Variants in GABBR1 observed in about 807,000 individuals in gnomAD.
GABBR1 encodes gamma-aminobutyric acid type B receptor subunit 1.
In GABBR1, 35 loss-of-function variants were observed where a neutral mutation model predicts 117.7. The ratio of observed to expected loss-of-function variants is 0.30; its 90% CI spans 0.23 to 0.39. The LOEUF (loss-of-function observed/expected upper bound fraction) is 0.39, where lower values mean the gene tolerates loss of function less well. Among genes scored for constraint, GABBR1 ranks in the 10% least tolerant of loss-of-function variants. The probability of loss-of-function intolerance (pLI) is 1.00; values close to 1 mark genes in which losing one functional copy is unlikely to be tolerated. For missense variants in GABBR1, 709 were observed against 1,241.8 expected (o/e 0.57, Z 6.45); for synonymous variants, 442 against 486.6 (o/e 0.91, Z 1.21).
At chr6:29,616,914 G>GT (rs775877211) in intron 11 of GABBR1, among the ~76,000 whole-genome samples, 2 of 147,326 alleles carry the variant, frequency 1.4e-5, no homozygotes, top group Non-Finnish European at 3.0e-5. Context: ...TTGGGAGGCC[G>GT]AGGCGGGCGG....
In GABBR1 at chr6:29,607,073, T is replaced by A. The variant is rs372429670; in HGVS notation, c.2109+29A>T. 6.7e-5 allele frequency: 107 copies of A among 1,607,852 alleles called. No homozygotes were observed. The highest frequency in any genetic ancestry group is 8.7e-5 in the Non-Finnish European group (102 of 1,174,434). ...CTCTGTGCCCCAGGAGCCAAGGATC[T>A]GGGGGCTGAGGATTGGGCAGCAGCT... On this transcript the variant is annotated intron_variant, in intron 17 of 22. Transcript: ENST00000377034. This position sits in a 1 kb window ranked among gnomAD's most constrained non-coding sequence, Gnocchi z 5.0.
chr6:29,613,717 C>A lies in GABBR1; in HGVS notation c.1324-232G>T, dbSNP rs1345055377. 2.0e-5 allele frequency among the ~76,000 whole-genome samples: 3 copies of A among 152,172 alleles called. No individual in the cohort carries two copies. The highest frequency in any genetic ancestry group is 2.0e-4 in the Admixed American group (3 of 15,284). ...CTGTGTCTGATGGTGTTAGTGTGTA[C>A]AGTTGCTAGCTCAGAACTGCAAACA... On this transcript the variant is annotated intron_variant, in intron 11 of 22. Coordinates refer to ENST00000377034, the MANE Select transcript of GABBR1 (RefSeq NM_001470.4). This position sits in a 1 kb window ranked among gnomAD's most constrained non-coding sequence, Gnocchi z 4.1.
Position 29,632,877 on chromosome 6 carries a change from T to C in GABBR1, c.-28A>G. The C allele has an allele frequency of 3.8e-6, 1 of 263,278 alleles. No individual in the cohort carries two copies. The highest frequency in any genetic ancestry group is 7.1e-6 in the Non-Finnish European group (1 of 140,302). 16.3% of individuals were successfully genotyped at this position (263,278 alleles called of 1,614,324 possible). ...CGGCGCGCGGGCCCGGCTCCCCGGC[T>C]CTCCCCGGGCCTCAAGGCCCCAGGC... On this transcript the variant is annotated 5_prime_UTR_variant, in exon 1 of 23. Coordinates refer to ENST00000377034, the MANE Select transcript of GABBR1 (RefSeq NM_001470.4). The surrounding 1 kb of genome is among the most constrained non-coding windows in gnomAD (Gnocchi z 5.8).
At position 29,623,873 on chromosome 6, in the gene GABBR1, C is replaced by T. The variant is rs1462916562; in HGVS notation, c.792+17G>A. The T allele has an allele frequency of 1.9e-6, 3 of 1,609,438 alleles. No individual in the cohort carries two copies. The highest frequency in any genetic ancestry group is 1.3e-5 in the African/African-American group (1 of 74,916). On this transcript the variant is annotated intron_variant, in intron 7 of 22. Coordinates refer to ENST00000377034, the MANE Select transcript of GABBR1 (RefSeq NM_001470.4). This position sits in a 1 kb window ranked among gnomAD's most constrained non-coding sequence, Gnocchi z 6.2. The stretch of plus-strand genomic sequence containing the variant: ...AAGGGAATGACCCCATCTTCTGACC[C>T]CCATAGCCCTGCTTACCACAATGAG...
At position 29,632,556 on chromosome 6, in the gene GABBR1, G is replaced by A. The variant is rs1428539885; in HGVS notation, c.1-171C>T. On this transcript the variant is annotated intron_variant, in intron 1 of 22. Transcript: ENST00000377034. The surrounding 1 kb of genome is among the most constrained non-coding windows in gnomAD (Gnocchi z 5.8). ...GGGCGGAGCCCCGCGCGGGGTGGGG[G>A]GAGAGGAGGAGAGAAAGCCTGTCCC... 1.8e-5 allele frequency: 16 copies of A among 878,436 alleles called. No homozygotes were observed. Among genetic ancestry groups the A allele is most frequent in the Non-Finnish European group, 2.4e-5 (15 of 620,668 alleles). 54.4% of individuals were successfully genotyped at this position (878,436 alleles called of 1,614,324 possible).
Position 29,605,360 on chromosome 6 carries a change from C to CT in GABBR1, c.2439+208dup, listed in dbSNP as rs1314927177. The CT allele has an allele frequency of 3.2e-6, 2 of 626,204 alleles. No individual in the cohort carries two copies. Among genetic ancestry groups the CT allele is most frequent in the African/African-American group, 3.7e-5 (2 of 54,770 alleles). 38.8% of individuals were successfully genotyped at this position (626,204 alleles called of 1,614,324 possible). A position where few individuals can be genotyped will look rare whatever the true frequency, so the allele number is the denominator to read the frequency against. On this transcript the variant is annotated intron_variant, in intron 20 of 22. Coordinates refer to ENST00000377034, the MANE Select transcript of GABBR1 (RefSeq NM_001470.4). This position sits in a 1 kb window ranked among gnomAD's most constrained non-coding sequence, Gnocchi z 4.2. Reference sequence around the variant, plus strand: ...ACCTATAAAGTGGGGATACTAATATCTACTTCACTGGGTAGTTGCAAGATT... The same window carrying CT: ...ACCTATAAAGTGGGGATACTAATATCTTACTTCACTGGGTAGTTGCAAGATT...
At chr6:29,616,390 A>T (rs960027147) in intron 11 of GABBR1, among the ~76,000 whole-genome samples, 1 of 150,390 alleles carries the variant, frequency 6.6e-6, no homozygotes, top group Non-Finnish European at 1.5e-5. Context: ...AAAAAAAAAA[A>T]ATTAGCCGGA....
At position 29,613,040 on chromosome 6, in the gene GABBR1, T is replaced by A. The variant is rs1351774010; in HGVS notation, c.1566+203A>T. Among the ~76,000 whole-genome samples, 1 of 152,202 alleles carries A rather than the reference T, an allele frequency of 6.6e-6. No homozygotes were observed. Among genetic ancestry groups the A allele is most frequent in the Non-Finnish European group, 1.5e-5 (1 of 68,026 alleles). ...TTGAAAAGAAATGAGGGGAGGGGTT[T>A]AAAAAAATGGAATACATCATTTTTT... On this transcript the variant is annotated intron_variant, in intron 12 of 22. Coordinates refer to ENST00000377034, the MANE Select transcript of GABBR1 (RefSeq NM_001470.4). This position sits in a 1 kb window ranked among gnomAD's most constrained non-coding sequence, Gnocchi z 4.1.
At chr6:29,624,552 A>T (rs528944448) in intron 6 of GABBR1, among the ~76,000 whole-genome samples, 8 of 152,252 alleles carry the variant, frequency 5.3e-5, no homozygotes, top group African/African-American at 1.9e-4. Context: ...AAGAGAGAAC[A>T]GGAACAAGAC....
At position 29,632,005 on chromosome 6, in the gene GABBR1, C is replaced by A. The variant is rs1469230234; in HGVS notation, c.85+296G>T. Among the ~76,000 whole-genome samples the A allele has an allele frequency of 6.6e-6, 1 of 151,440 alleles. No homozygotes were observed. Among genetic ancestry groups the A allele is most frequent in the Non-Finnish European group, 1.5e-5 (1 of 67,942 alleles). On this transcript the variant is annotated intron_variant, in intron 2 of 22. Transcript: ENST00000377034. This position sits in a 1 kb window ranked among gnomAD's most constrained non-coding sequence, Gnocchi z 5.8. ...GATCATCTGGACAGCAAAGTGGGACCAAGAAAAGGGAGTAATTGAGGTAGT... is the reference window on the plus strand; with the variant it reads ...GATCATCTGGACAGCAAAGTGGGACAAAGAAAAGGGAGTAATTGAGGTAGT...
intron 14 of GABBR1, among the ~76,000 whole-genome samples, chr6:29,610,368 G>A (rs1027940561): frequency 1.3e-5 from 2 of 152,066 alleles, no homozygotes; most frequent in South Asian, 2.1e-4. Flanking sequence ...CACACTAAAC[G>A]CCCGGACTTC....
At chr6:29,628,627 T>C (rs1764623159) in intron 5 of GABBR1, among the ~76,000 whole-genome samples, 1 of 134,786 alleles carries the variant, frequency 7.4e-6, no homozygotes, top group Admixed American at 7.3e-5. Context: ...GGAAAAGATG[T>C]GGGGAAGAGC....
At position 29,610,909 on chromosome 6, in the gene GABBR1, A is replaced by G. The variant is rs758218212; in HGVS notation, c.1708+15T>C. ...CGAGAGGGGCTGAAGGAAAATACAA[A>G]CAAGATCCACTCACCAATCCATTTA... On this transcript the variant is annotated intron_variant, in intron 14 of 22. Coordinates refer to ENST00000377034, the MANE Select transcript of GABBR1 (RefSeq NM_001470.4). 3.1e-6 allele frequency: 5 copies of G among 1,608,520 alleles called. No individual in the cohort carries two copies. The highest frequency in any genetic ancestry group is 4.3e-6 in the Non-Finnish European group (5 of 1,175,960).
rs1271401754 is a variant in GABBR1 at position 29,621,350 on chromosome 6, A to G, written c.1132-58T>C. ...TTGCTCATTTGTTTGTTTTTGTCTT[A>G]TCTCACTTGATACTATTTAGCCTCT... On this transcript the variant is annotated intron_variant, in intron 10 of 22. Transcript: ENST00000377034. This position sits in a 1 kb window ranked among gnomAD's most constrained non-coding sequence, Gnocchi z 5.0. The G allele has an allele frequency of 3.0e-6, 4 of 1,352,810 alleles. No individual in the cohort carries two copies. Among genetic ancestry groups the G allele is most frequent in the African/African-American group, 1.4e-5 (1 of 69,774 alleles). The allele number at this position is 1,352,810 out of a possible 1,614,324, so 83.8% of individuals were successfully genotyped here. A position where few individuals can be genotyped will look rare whatever the true frequency, so the allele number is the denominator to read the frequency against.
intron 6 of GABBR1, 151 bp from the exon 7 acceptor site, chr6:29,624,175 T>C: frequency 1.3e-6 from 1 of 791,480 alleles, no homozygotes; most frequent in Non-Finnish European, 1.9e-6. Context: ...CTGGCATCTC[T>C]TCCTGTCAAG....
chr6:29,632,214 G>T lies in GABBR1; in HGVS notation c.85+87C>A. 1 of 806,088 alleles carries T rather than the reference G, an allele frequency of 1.2e-6. No individual in the cohort carries two copies. Among genetic ancestry groups the T allele is most frequent in the Non-Finnish European group, 1.8e-6 (1 of 544,680 alleles). 49.9% of individuals were successfully genotyped at this position (806,088 alleles called of 1,614,324 possible). ...ACCGGGATGATATGTGGGACTGATGGGATAGTGATGAGGACCAGAAATGAG... is the reference window on the plus strand; with the variant it reads ...ACCGGGATGATATGTGGGACTGATGTGATAGTGATGAGGACCAGAAATGAG... On this transcript the variant is annotated intron_variant, in intron 2 of 22. Transcript: ENST00000377034. The surrounding 1 kb of genome is among the most constrained non-coding windows in gnomAD (Gnocchi z 5.8).
chr6:29,609,456 G>A lies in GABBR1; in HGVS notation c.1709-77C>T. ...ACAAAGGAATGAAGACGGGATAGGA[G>A]AAAAGGGCAAAGAACTAGATTGCTG... On this transcript the variant is annotated intron_variant, in intron 14 of 22. Coordinates refer to ENST00000377034, the MANE Select transcript of GABBR1 (RefSeq NM_001470.4). This position sits in a 1 kb window ranked among gnomAD's most constrained non-coding sequence, Gnocchi z 4.3. The A allele has an allele frequency of 3.0e-6, 4 of 1,313,638 alleles. No homozygotes were observed. The highest frequency in any genetic ancestry group is 2.5e-5 in the South Asian group (2 of 81,562). The allele number at this position is 1,313,638 out of a possible 1,614,324, so 81.4% of individuals were successfully genotyped here. A position where few individuals can be genotyped will look rare whatever the true frequency, so the allele number is the denominator to read the frequency against.
Position 29,603,711 on chromosome 6 carries a change from C to T in GABBR1, c.2718G>A (p.Glu906=), listed in dbSNP as rs765454274. The change falls in exon 23 of 23, where the codon GAG becomes GAA. Residue 906 remains glutamate, a synonymous_variant. Coordinates refer to ENST00000377034, the MANE Select transcript of GABBR1 (RefSeq NM_001470.4). ...GATGGCGCAGTTCAGAGACACGCTC[C>T]TCTTTCTGGAGGAAGAAGCACAATT... ...RELEKIIAEK[E]ERVSELRHQL... is the part of the protein sequence containing the mutation. 4.7e-6 allele frequency: 7 copies of T among 1,480,062 alleles called. No homozygotes were observed. The South Asian group carries it at 9.0e-5, about 19-fold the overall frequency. 91.7% of individuals were successfully genotyped at this position (1,480,062 alleles called of 1,614,324 possible).
rs755840328 is a variant in GABBR1 at position 29,603,406 on chromosome 6, G to T, written c.*137C>A. 3 of 783,252 alleles carry T rather than the reference G, an allele frequency of 3.8e-6. No homozygotes were observed. The highest frequency in any genetic ancestry group is 2.9e-5 in the South Asian group (2 of 68,258). The allele number at this position is 783,252 out of a possible 1,614,324, so 48.5% of individuals were successfully genotyped here. A position where few individuals can be genotyped will look rare whatever the true frequency, so the allele number is the denominator to read the frequency against. On this transcript the variant is annotated 3_prime_UTR_variant, in exon 23 of 23. Transcript: ENST00000377034. ...CAAATCAGCCCAGAACTCACAGGGG[G>T]ACATGTATTTACAAGAGATGAGATT...
Sources: allele counts gnomAD v4.1 joint callset (sites outside exome capture counted in the v4.1 genomes callset), GRCh38; gene constraint gnomAD v4.1.1; non-coding constraint Gnocchi (gnomAD v3.1); transcripts MANE v1.5; gene names NCBI Gene and HGNC (gene_info 2026-07-23, HGNC 2026-07-21).